Variants in KCNG2 observed in about 807,000 individuals in gnomAD.
KCNG2 encodes the protein potassium voltage-gated channel modifier subfamily G member 2, also known as voltage-gated potassium channel regulatory subunit KCNG2.
In KCNG2, 7 loss-of-function variants were observed where a neutral mutation model predicts 12.3. The ratio of observed to expected loss-of-function variants is 0.57; its 90% CI spans 0.32 to 1.07. The LOEUF (loss-of-function observed/expected upper bound fraction) is 1.07, where lower values mean the gene tolerates loss of function less well. KCNG2 is among the 50% of genes least tolerant of loss of function. The pLI, the probability that KCNG2 is intolerant of heterozygous loss-of-function variation, is 0.04. For synonymous variants in KCNG2, 414 were observed against 351.4 expected, an observed-to-expected ratio of 1.18 and a Z score of -1.99; for missense variants, 703 against 726.0, an observed-to-expected ratio of 0.97 and a Z score of 0.36.
chr18:79,897,789 T>C (rs1203358297), intron 3 of KCNG2, among the ~76,000 whole-genome samples: 1 of 151,844 alleles, frequency 6.6e-6, no homozygotes, highest in East Asian at 1.9e-4. Flanking sequence ...TGTGCCCCTC[T>C]TCCTCCCCAG....
At chr18:79,874,954 G>T (rs1182252556) in intron 3 of KCNG2, among the ~76,000 whole-genome samples, 2 of 152,140 alleles carry the variant, frequency 1.3e-5, no homozygotes, top group Non-Finnish European at 2.9e-5. Context: ...CCAGGTATGT[G>T]ACAGGCCCTG....
intron 1 of KCNG2, among the ~76,000 whole-genome samples, chr18:79,847,595 A>G (rs190508166): frequency 6.6e-6 from 1 of 152,346 alleles, no homozygotes; most frequent in East Asian, 1.9e-4. Flanking sequence ...CATGTATGTA[A>G]TAAGCATGTA....
At chr18:79,846,310 T>G (rs1186533714) in intron 1 of KCNG2, among the ~76,000 whole-genome samples, 3 of 146,354 alleles carry the variant, frequency 2.0e-5, no homozygotes, top group Non-Finnish European at 4.5e-5. Context: ...GAGGTGGAGC[T>G]TGCAGTGAGC....
At chr18:79,856,799 G>A (rs541979898) in intron 2 of KCNG2, among the ~76,000 whole-genome samples, 1 of 151,976 alleles carries the variant, frequency 6.6e-6, no homozygotes, top group Non-Finnish European at 1.5e-5. Flanking sequence ...GAGGCAGCAC[G>A]TTCAGACGAC....
At chr18:79,798,680 C>T (rs937514220) in intron 1 of KCNG2, among the ~76,000 whole-genome samples, 1 of 152,238 alleles carries the variant, frequency 6.6e-6, no homozygotes, top group Non-Finnish European at 1.5e-5. Context: ...TCTGCAAACC[C>T]GGAGCCCATG....
At chr18:79,817,377 CCTGG>C (rs1453976787) in intron 1 of KCNG2, among the ~76,000 whole-genome samples, 1 of 152,174 alleles carries the variant, frequency 6.6e-6, no homozygotes, top group African/African-American at 2.4e-5. Flanking sequence ...AGTTGTCATG[CCTGG>C]CTGTCACACA....
chr18:79,807,457 C>T (rs975344268), intron 1 of KCNG2, among the ~76,000 whole-genome samples: 5 of 152,214 alleles, frequency 3.3e-5, no homozygotes, highest in Non-Finnish European at 7.3e-5. Flanking sequence ...ACCACCTCAG[C>T]GGCGCGGACT....
intron 1 of KCNG2, among the ~76,000 whole-genome samples, chr18:79,837,294 T>C (rs1179799681): frequency 6.6e-6 from 1 of 152,356 alleles, no homozygotes; most frequent in East Asian, 1.9e-4. Context: ...CTTGGGCAGC[T>C]CTGCCCCTGT....
At chr18:79,866,366 TGG>T (rs1249232813) in intron 3 of KCNG2, among the ~76,000 whole-genome samples, 3 of 104,774 alleles carry the variant, frequency 2.9e-5, no homozygotes, top group Non-Finnish European at 4.5e-5. Context: ...TGCTGAGGTC[TGG>T]GTGCTGAGGT....
In KCNG2 at chr18:79,887,005, A is replaced by G. The variant is rs12960674; in HGVS notation, c.625-12035A>G. Among the ~76,000 whole-genome samples, 77 of 32,266 alleles carry G rather than the reference A, an allele frequency of 2.4e-3. 1 individual carries two copies. The highest frequency in any genetic ancestry group is 0.019 in the Middle Eastern group (1 of 54). 21.2% of individuals were successfully genotyped at this position (32,266 alleles called of 152,430 possible). A position where few individuals can be genotyped will look rare whatever the true frequency, so the allele number is the denominator to read the frequency against. Reference sequence around the variant, plus strand: ...GATGGGAACATAGGGACGTGGGGACAGGGACATGGGGACACGGGACAGGGA... The same window carrying G: ...GATGGGAACATAGGGACGTGGGGACGGGGACATGGGGACACGGGACAGGGA... On this transcript the variant is annotated intron_variant, in intron 3 of 3. Transcript: ENST00000316249.
At chr18:79,807,404 C>T (rs1434701653) in intron 1 of KCNG2, among the ~76,000 whole-genome samples, 1 of 152,202 alleles carries the variant, frequency 6.6e-6, no homozygotes, top group African/African-American at 2.4e-5. Context: ...ACCGTAAACA[C>T]CCGAGCACCC....
At chr18:79,846,281 G>C (rs2123042750) in intron 1 of KCNG2, among the ~76,000 whole-genome samples, 1 of 149,808 alleles carries the variant, frequency 6.7e-6, no homozygotes, top group African/African-American at 2.4e-5. Flanking sequence ...GCTGAGGCAG[G>C]AGAATGGCGT....
In KCNG2 at chr18:79,863,685, C is replaced by T. The variant is rs1419864000; in HGVS notation, c.18C>T (p.Cys6=). Residue 6 remains cysteine (C), a synonymous_variant, in exon 3 of 4, where the codon TGC becomes TGT. Transcript: ENST00000316249. MEPWP[C]SPGGGGGTRA... ...CCCTGCGCATGGAGCCATGGCCCTG[C>T]TCCCCGGGCGGCGGCGGCGGGACCC... 4 of 1,189,552 alleles carry T rather than the reference C, an allele frequency of 3.4e-6. No homozygotes were observed. In the African/African-American group the frequency reaches 4.8e-5, roughly 14 times the overall value. The allele number at this position is 1,189,552 out of a possible 1,614,324, so 73.7% of individuals were successfully genotyped here. A position where few individuals can be genotyped will look rare whatever the true frequency, so the allele number is the denominator to read the frequency against.
chr18:79,881,279 A>T (rs1980284596), intron 3 of KCNG2, among the ~76,000 whole-genome samples: 1 of 152,240 alleles, frequency 6.6e-6, no homozygotes, highest in Non-Finnish European at 1.5e-5. Flanking sequence ...ACGCCGTACG[A>T]TTGGAAAGCA....
At chr18:79,873,431 C>CCG (rs1293340945) in intron 3 of KCNG2, among the ~76,000 whole-genome samples, 1 of 144,134 alleles carries the variant, frequency 6.9e-6, no homozygotes, top group East Asian at 2.1e-4. Flanking sequence ...CCCCCTCCCC[C>CCG]CCCCCCAGCC....
In KCNG2 at chr18:79,803,718, G is replaced by C. The variant is rs1460863095; in HGVS notation, c.-115+5704G>C. On this transcript the variant is annotated intron_variant, in intron 1 of 3. Coordinates refer to ENST00000316249, the MANE Select transcript of KCNG2 (RefSeq NM_012283.2). The surrounding 1 kb of genome is among the most constrained non-coding windows in gnomAD (Gnocchi z 4.5). ...GCAGGGAGCCTGCCCTCCTGTCCAG[G>C]AGCCCTCACAGCTCAGCCGGGGCCC... Among the ~76,000 whole-genome samples the C allele has an allele frequency of 1.3e-5, 2 of 152,172 alleles. No homozygotes were observed. Among genetic ancestry groups the C allele is most frequent in the African/African-American group, 4.8e-5 (2 of 41,448 alleles).
At chr18:79,875,474 G>A (rs555936236) in intron 3 of KCNG2, among the ~76,000 whole-genome samples, 22 of 152,280 alleles carry the variant, frequency 1.4e-4, no homozygotes, top group African/African-American at 3.1e-4. Flanking sequence ...TCTTCATGCC[G>A]AAGGCTCCTG....
At chr18:79,848,404 T>C (rs1978696658) in intron 1 of KCNG2, among the ~76,000 whole-genome samples, 1 of 152,176 alleles carries the variant, frequency 6.6e-6, no homozygotes, top group Non-Finnish European at 1.5e-5. Flanking sequence ...GGGCCTGCGT[T>C]GCCGCTCGGG....
chr18:79,860,635 C>T (rs1979176644), intron 2 of KCNG2, among the ~76,000 whole-genome samples: 1 of 151,582 alleles, frequency 6.6e-6, no homozygotes, highest in Non-Finnish European at 1.5e-5. Context: ...TCATGTCTTG[C>T]AACTTTGCTG....
Sources: allele counts gnomAD v4.1 joint callset (sites outside exome capture counted in the v4.1 genomes callset), GRCh38; gene constraint gnomAD v4.1.1; non-coding constraint Gnocchi (gnomAD v3.1); transcripts MANE v1.5; gene names NCBI Gene and HGNC (gene_info 2026-07-23, HGNC 2026-07-21).